The following DYNC2H1 variants were observed in gnomAD, a reference collection of about 807,000 sequenced individuals.
DYNC2H1 encodes the protein dynein cytoplasmic 2 heavy chain 1.
Under a neutral mutation model 570.0 loss-of-function variants are expected in DYNC2H1, and 410 were observed. That is an observed-to-expected ratio of 0.72 (90% CI 0.66 to 0.78). The LOEUF is 0.78. Ranked by LOEUF, DYNC2H1 falls within the 30% of genes least tolerant of loss-of-function variation. DYNC2H1 has a pLI of 0.00. For synonymous variants in DYNC2H1, 1,688 were observed against 1,677.6 expected, an observed-to-expected ratio of 1.01 and a Z score of -0.15; for missense variants, 4,865 against 5,046.4, an observed-to-expected ratio of 0.96 and a Z score of 1.09.
In DYNC2H1 at chr11:103,297,664, C is replaced by A. The variant is rs141318292; in HGVS notation, c.11096-5429C>A. On this transcript the variant is annotated intron_variant, in intron 75 of 88. Coordinates refer to ENST00000375735, the MANE Select transcript of DYNC2H1 (RefSeq NM_001377.3). ...ACAGCATTATAATCTTATGGAACAA[C>A]CATGGTATACATGGTCCATCGTTGA... is the stretch of plus-strand genomic sequence containing the variant. 4.6e-5 allele frequency among the ~76,000 whole-genome samples: 7 copies of A among 152,142 alleles called. No homozygotes were observed. In the East Asian group the frequency reaches 1.3e-3, roughly 29 times the overall value.
At chr11:103,342,767 G>C (rs1420453377) in intron 82 of DYNC2H1, among the ~76,000 whole-genome samples, 1 of 151,806 alleles carries the variant, frequency 6.6e-6, no homozygotes, top group Non-Finnish European at 1.5e-5. Flanking sequence ...GCCTCCCAAA[G>C]CCACTGCACC....
chr11:103,140,230 A>G (rs760865326), intron 17 of DYNC2H1, among the ~76,000 whole-genome samples: 8 of 152,054 alleles, frequency 5.3e-5, no homozygotes, highest in South Asian at 2.1e-4. Context: ...TAATATTGTT[A>G]TGTGTGAATT....
At chr11:103,329,077 A>G (rs1938637856) in intron 82 of DYNC2H1, among the ~76,000 whole-genome samples, 1 of 151,852 alleles carries the variant, frequency 6.6e-6, no homozygotes, top group African/African-American at 2.4e-5. Context: ...AAGATTTGAC[A>G]AAAAAGAAGT....
chr11:103,304,661 G>T lies in DYNC2H1; in HGVS notation c.11323G>T (p.Asp3775Tyr). 3 of 1,613,430 alleles carry T rather than the reference G, an allele frequency of 1.9e-6. No homozygotes were observed. The highest frequency in any genetic ancestry group is 2.2e-5 in the East Asian group (1 of 44,828). ...QMLKECARNG[D>Y]WLCLKNLHLV... ...GCTAAAAGAATGTGCCCGCAATGGA[G>T]ACTGGCTCTGTTTGAAGAACTTACA... Residue 3775 changes from aspartate to tyrosine, a missense_variant, in exon 77 of 89, where the codon GAC (aspartate) becomes TAC (tyrosine). By Grantham distance (160) the Asp-to-Tyr change is radical. This residue lies in a region of DYNC2H1 where 2,401 missense variants were observed against 2,454.6 expected (regional missense o/e 0.98). Transcript: ENST00000375735.
At chr11:103,322,813 GA>G (rs774485361) in intron 81 of DYNC2H1, among the ~76,000 whole-genome samples, 1 of 152,182 alleles carries the variant, frequency 6.6e-6, no homozygotes, top group Non-Finnish European at 1.5e-5. Context: ...GAAAGACACT[GA>G]ATGTTTCCCA....
rs551940247 is a variant in DYNC2H1 at position 103,250,764 on chromosome 11, C to G, written c.10043-2521C>G. Among the ~76,000 whole-genome samples, 5 of 152,042 alleles carry G rather than the reference C, an allele frequency of 3.3e-5. No individual in the cohort carries two copies. The East Asian group carries it at 5.8e-4, about 18-fold the overall frequency. On this transcript the variant is annotated intron_variant, in intron 65 of 88. Coordinates refer to ENST00000375735, the MANE Select transcript of DYNC2H1 (RefSeq NM_001377.3). ...CTTTAAGCCCTTCTTCAGCTTCCTACCCAAGTTTCAGTTTCTTTTTTCAAC... is the reference window on the plus strand; with the variant it reads ...CTTTAAGCCCTTCTTCAGCTTCCTAGCCAAGTTTCAGTTTCTTTTTTCAAC...
In DYNC2H1 at chr11:103,156,750, CAG is replaced by C. The variant is rs1390815429; in HGVS notation, c.4110_4111del (p.Arg1370SerfsTer2). On this transcript the variant is annotated frameshift_variant, in exon 26 of 89. Coordinates refer to ENST00000375735, the MANE Select transcript of DYNC2H1 (RefSeq NM_001377.3). LOFTEE classifies it high-confidence loss of function. ...ALPKEQTRFN[R>X]VDEDFRSIMT... ...TGCCAAAAGAACAGACACGCTTCAACAGAGTTGATGAAGATTTTAGGTCAGTA... is the reference window on the plus strand; with the variant it reads ...TGCCAAAAGAACAGACACGCTTCAACAGTTGATGAAGATTTTAGGTCAGTA... 6.2e-7 allele frequency: 1 copy of C among 1,610,128 alleles called. No individual in the cohort carries two copies. Among genetic ancestry groups the C allele is most frequent in the Non-Finnish European group, 8.5e-7 (1 of 1,179,048 alleles).
rs201305322 is a variant in DYNC2H1, at chr11:103,173,255, A to G, written c.5508A>G (p.Lys1836=). The G allele has an allele frequency of 1.1e-4, 180 of 1,599,564 alleles. No individual in the cohort carries two copies. Among genetic ancestry groups the G allele is most frequent in the Middle Eastern group, 1.0e-3 (6 of 6,022 alleles). The change falls in exon 35 of 89, where the codon AAA becomes AAG. Residue 1836 remains lysine, a synonymous_variant. Transcript: ENST00000375735. ...AEVILYSEGF[K]DAKVLSRKLV... ...TTATTCTCTATTCGGAAGGCTTTAA[A>G]GACGCTAAAGTATTGAGCAGAAAAT... is the stretch of plus-strand genomic sequence containing the variant.
rs2135551490 is a variant in DYNC2H1 at position 103,369,802 on chromosome 11, A to G, written c.12156+11443A>G. ...CTGAAGATCCCTTGTGCCCTGCATA[A>G]CCAGCAGCAATACCCACGTGTACTA... On this transcript the variant is annotated intron_variant, in intron 83 of 88. Transcript: ENST00000375735. This position sits in a 1 kb window ranked among gnomAD's most constrained non-coding sequence, Gnocchi z 4.0. Among the ~76,000 whole-genome samples the G allele has an allele frequency of 6.6e-6, 1 of 152,292 alleles. No individual in the cohort carries two copies. Among genetic ancestry groups the G allele is most frequent in the East Asian group, 1.9e-4 (1 of 5,184 alleles).
At chr11:103,212,014 A>C (rs1863175803) in intron 54 of DYNC2H1, 71 bp downstream of exon 54, 1 of 1,322,632 alleles carries the variant, frequency 7.6e-7, no homozygotes, top group Admixed American at 3.5e-5. Context: ...TCACAATGCT[A>C]TGTTGCGGGT....
chr11:103,378,018 TGA>T (rs2135571566), intron 83 of DYNC2H1, among the ~76,000 whole-genome samples: 1 of 152,368 alleles, frequency 6.6e-6, no homozygotes, highest in African/African-American at 2.4e-5. Flanking sequence ...ATTACAGGTG[TGA>T]GCTACCATGC....
At chr11:103,274,028 C>T (rs1865810155) in intron 70 of DYNC2H1, among the ~76,000 whole-genome samples, 1 of 151,974 alleles carries the variant, frequency 6.6e-6, no homozygotes, top group Admixed American at 6.6e-5. Flanking sequence ...AGGGGCTTTG[C>T]TTCTGTTCTT....
chr11:103,109,797 C>G lies in DYNC2H1; in HGVS notation c.195+28C>G, dbSNP rs757510508. On this transcript the variant is annotated intron_variant, in intron 1 of 88. Coordinates refer to ENST00000375735, the MANE Select transcript of DYNC2H1 (RefSeq NM_001377.3). ...ACGGTTCCTTGCACTCCTGCCTGAC[C>G]CCTGACCACTCTTCAAGTCCCCAGG... 26 of 1,594,128 alleles carry G rather than the reference C, an allele frequency of 1.6e-5. 2 individuals are homozygous for G. The South Asian group carries it at 2.8e-4, about 17-fold the overall frequency.
chr11:103,353,610 C>T (rs1297061793), intron 82 of DYNC2H1, among the ~76,000 whole-genome samples: 1 of 152,000 alleles, frequency 6.6e-6, no homozygotes. Context: ...AGAATTATGT[C>T]AATAGATAGT....
At chr11:103,425,612 A>T (rs1943640493) in intron 84 of DYNC2H1, among the ~76,000 whole-genome samples, 2 of 152,164 alleles carry the variant, frequency 1.3e-5, no homozygotes, top group African/African-American at 4.8e-5. Context: ...TTGTAAAATA[A>T]TATGAAAAGA....
intron 88 of DYNC2H1, among the ~76,000 whole-genome samples, chr11:103,470,743 AC>A (rs1945352794): frequency 6.6e-6 from 1 of 151,910 alleles, no homozygotes; most frequent in African/African-American, 2.4e-5. Flanking sequence ...AAGGACATGA[AC>A]TCATCATTTT....
intron 1 of DYNC2H1, among the ~76,000 whole-genome samples, chr11:103,110,567 A>T (rs1315593779): frequency 6.6e-6 from 1 of 152,098 alleles, no homozygotes; most frequent in East Asian, 1.9e-4. Flanking sequence ...ATCATGTGAT[A>T]TACTGATTTA....
intron 63 of DYNC2H1, among the ~76,000 whole-genome samples, chr11:103,242,991 C>A (rs1214107736): frequency 6.6e-6 from 1 of 152,060 alleles, no homozygotes; most frequent in Non-Finnish European, 1.5e-5. Context: ...AGCCACCACA[C>A]CGGGCCTGAC....
At chr11:103,399,953 A>G in intron 84 of DYNC2H1, 81 bp downstream of exon 84, 9 of 1,196,896 alleles carry the variant, frequency 7.5e-6, no homozygotes, top group Non-Finnish European at 9.5e-6. Flanking sequence ...GTCAGGAATC[A>G]TATAGTTAAT....
Sources: gnomAD v4.1 joint callset for allele counts (sites outside exome capture counted in the v4.1 genomes callset) on GRCh38, gnomAD v4.1.1 for gene constraint, gnomAD v4.1.1 regional missense constraint, Gnocchi (gnomAD v3.1) non-coding constraint, MANE v1.5 for transcripts, NCBI Gene and HGNC (gene_info 2026-07-23, HGNC 2026-07-21) for gene names.